The following CDC14B variants were observed in gnomAD, a reference collection of about 807,000 sequenced individuals.
CDC14B encodes dual specificity protein phosphatase CDC14B.
In CDC14B, 22 loss-of-function variants were observed where a neutral mutation model predicts 64.2. That is an observed-to-expected ratio of 0.34 (90% confidence interval 0.24 to 0.49). The LOEUF is 0.49. Among genes scored for constraint, CDC14B ranks in the 20% least tolerant of loss-of-function variants. The probability of loss-of-function intolerance (pLI) is 0.99; values close to 1 mark genes in which losing one functional copy is unlikely to be tolerated. For synonymous variants in CDC14B, 191 were observed against 215.8 expected (o/e 0.89, Z 1.01); for missense variants, 498 against 629.9 (o/e 0.79, Z 2.24).
Position 96,503,168 on chromosome 9 carries a change from C to A in CDC14B, c.*585G>T, listed in dbSNP as rs545969684. 2 of 324,750 alleles carry A rather than the reference C, an allele frequency of 6.2e-6. No individual in the cohort carries two copies. Among genetic ancestry groups the A allele is most frequent in the Non-Finnish European group, 1.1e-5 (2 of 180,214 alleles). 20.1% of individuals were successfully genotyped at this position (324,750 alleles called of 1,614,324 possible). A position where few individuals can be genotyped will look rare whatever the true frequency, so the allele number is the denominator to read the frequency against. On this transcript the variant is annotated 3_prime_UTR_variant, in exon 14 of 14. Coordinates refer to ENST00000375241, the MANE Select transcript of CDC14B (RefSeq NM_033331.4). ...CAACAGTGTTTAAATGTGATTTTCA[C>A]AGATTCTTGTTAATAAAGCACTCTT...
At chr9:96,550,956 T>C (rs1412424635) in intron 5 of CDC14B, among the ~76,000 whole-genome samples, 1 of 151,986 alleles carries the variant, frequency 6.6e-6, no homozygotes, top group Non-Finnish European at 1.5e-5. Flanking sequence ...ACTGACTGTG[T>C]CCCCAGAAAA....
intron 12 of CDC14B, among the ~76,000 whole-genome samples, chr9:96,514,190 C>T (rs1835296915): frequency 6.6e-6 from 1 of 152,128 alleles, no homozygotes; most frequent in South Asian, 2.1e-4. Flanking sequence ...AGAAGAGAGC[C>T]TGATAGAGAC....
intron 9 of CDC14B, 61 bp downstream of exon 9, chr9:96,533,866 G>C (rs985499325): frequency 1.6e-5 from 17 of 1,033,762 alleles, no homozygotes; most frequent in Non-Finnish European, 2.3e-5. Flanking sequence ...AATATGGTCT[G>C]TTTCTACATA....
At chr9:96,611,612 A>T (rs751208287) in intron 1 of CDC14B, among the ~76,000 whole-genome samples, 4 of 152,236 alleles carry the variant, frequency 2.6e-5, no homozygotes, top group Admixed American at 6.5e-5. Flanking sequence ...CATTTTTCCC[A>T]GGGTAATAAA....
At chr9:96,573,668 CAT>C (rs747115868) in intron 1 of CDC14B, among the ~76,000 whole-genome samples, 1 of 152,258 alleles carries the variant, frequency 6.6e-6, no homozygotes, top group South Asian at 2.1e-4. Flanking sequence ...AATAAATTTA[CAT>C]GTTACATGTA....
chr9:96,615,129 C>T (rs781633536), intron 1 of CDC14B, among the ~76,000 whole-genome samples: 7 of 152,168 alleles, frequency 4.6e-5, no homozygotes, highest in Non-Finnish European at 8.8e-5. Context: ...ACGTGAGACA[C>T]TGTGCCCGGC....
chr9:96,609,262 G>A (rs1564393357), intron 1 of CDC14B, among the ~76,000 whole-genome samples: 1 of 152,118 alleles, frequency 6.6e-6, no homozygotes, highest in Non-Finnish European at 1.5e-5. Flanking sequence ...ACTGCGCCCA[G>A]ACCAAATTAT....
At chr9:96,516,625 G>A (rs1412863061) in intron 12 of CDC14B, among the ~76,000 whole-genome samples, 4 of 151,672 alleles carry the variant, frequency 2.6e-5, no homozygotes, top group South Asian at 2.1e-4. Flanking sequence ...GATTAGAGGC[G>A]CACATCACCA....
At chr9:96,617,452 C>T (rs112673526) in intron 1 of CDC14B, among the ~76,000 whole-genome samples, 3 of 152,000 alleles carry the variant, frequency 2.0e-5, no homozygotes, top group Non-Finnish European at 1.5e-5. Flanking sequence ...TAAATCCATA[C>T]GTACTTGTTA....
intron 9 of CDC14B, among the ~76,000 whole-genome samples, chr9:96,533,679 T>C (rs1270516041): frequency 6.6e-6 from 1 of 152,232 alleles, no homozygotes; most frequent in Non-Finnish European, 1.5e-5. Context: ...TGATGTATCC[T>C]AGAATTATAT....
At chr9:96,493,019 G>C (rs1833126577) in exon 14 of CDC14B, 1 of 152,302 alleles carries the variant, frequency 6.6e-6, no homozygotes, top group South Asian at 2.1e-4. Flanking sequence ...GTGCTGGTCA[G>C]ACTTCAGACC....
intron 9 of CDC14B, among the ~76,000 whole-genome samples, chr9:96,528,113 T>G (rs376135143): frequency 3.3e-5 from 5 of 152,378 alleles, no homozygotes; most frequent in South Asian, 4.1e-4. Context: ...CAGAATTTTC[T>G]TCATTTCTAA....
intron 12 of CDC14B, chr9:96,514,336 C>T: frequency 1.4e-6 from 1 of 710,292 alleles, no homozygotes; most frequent in Non-Finnish European, 1.7e-6. Flanking sequence ...GTGCATGATG[C>T]TCTTGAGTCA....
At chr9:96,521,633 A>C (rs1836732889) in intron 12 of CDC14B, among the ~76,000 whole-genome samples, 2 of 152,180 alleles carry the variant, frequency 1.3e-5, no homozygotes. Flanking sequence ...AATTACTTTT[A>C]ATTGAAAAGA....
downstream of CDC14B, among the ~76,000 whole-genome samples, chr9:96,496,793 C>T (rs1833266048): frequency 1.3e-5 from 2 of 152,230 alleles, no homozygotes; most frequent in Non-Finnish European, 2.9e-5. Context: ...CCAGCTCCTT[C>T]CTCTGCCCGC....
intron 1 of CDC14B, among the ~76,000 whole-genome samples, chr9:96,604,758 T>C (rs1846769181): frequency 6.6e-6 from 1 of 151,654 alleles, no homozygotes; most frequent in East Asian, 1.9e-4. Flanking sequence ...AACTTCAGCC[T>C]CCTGGGTTCA....
At chr9:96,549,945 T>C (rs1048293401) in intron 5 of CDC14B, among the ~76,000 whole-genome samples, 1 of 152,252 alleles carries the variant, frequency 6.6e-6, no homozygotes, top group Non-Finnish European at 1.5e-5. Flanking sequence ...CAGTGTTCCA[T>C]GGATCCTTCA....
In CDC14B at chr9:96,515,600, C is replaced by G; in HGVS notation, c.1344-5811G>C. ...AAAAACATGCATTGTGGGAACCACA[C>G]TAGGCACCAGAAGTAAGCAACGGCA... On this transcript the variant is annotated intron_variant, in intron 12 of 13. Transcript: ENST00000375241. The surrounding 1 kb of genome is among the most constrained non-coding windows in gnomAD (Gnocchi z 4.3). The G allele has an allele frequency of 2.0e-6, 3 of 1,494,462 alleles. No individual in the cohort carries two copies. The highest frequency in any genetic ancestry group is 2.7e-6 in the Non-Finnish European group (3 of 1,118,224). The allele number at this position is 1,494,462 out of a possible 1,614,324, so 92.6% of individuals were successfully genotyped here. A position where few individuals can be genotyped will look rare whatever the true frequency, so the allele number is the denominator to read the frequency against.
chr9:96,494,640 TTGGGCCAATCAGTC>T, intron 13 of CDC14B, among the ~76,000 whole-genome samples: 1 of 152,188 alleles, frequency 6.6e-6, no homozygotes, highest in East Asian at 1.9e-4. Flanking sequence ...CAGCTACGCC[TTGGGCCAATCAGTC>T]CTCTGTGGGG....
Sources: allele counts gnomAD v4.1 joint callset (sites outside exome capture counted in the v4.1 genomes callset), GRCh38; gene constraint gnomAD v4.1.1; non-coding constraint Gnocchi (gnomAD v3.1); transcripts MANE v1.5; gene names NCBI Gene and HGNC (gene_info 2026-07-23, HGNC 2026-07-21).